ANOS1: variants seen among roughly 807,000 people sequenced by gnomAD.
ANOS1 encodes the protein anosmin-1.
In ANOS1, 6 loss-of-function variants were observed where a neutral mutation model predicts 59.0. That is an observed-to-expected ratio of 0.10 (90% CI 0.06 to 0.20). The LOEUF (loss-of-function observed/expected upper bound fraction) is 0.20, where lower values mean the gene tolerates loss of function less well. ANOS1 is among the 10% of genes least tolerant of loss of function. The pLI is 1.00. For missense variants in ANOS1, 433 were observed against 542.3 expected (o/e 0.80, Z 2.00); for synonymous variants, 217 against 223.4 (o/e 0.97, Z 0.25).
intron 8 of ANOS1, among the ~76,000 whole-genome samples, chrX:8,563,210 T>C (rs1305968981): frequency 8.9e-6 from 1 of 112,348 alleles, no homozygotes; most frequent in Non-Finnish European, 1.9e-5. Context: ...CTTTTATTCC[T>C]TTTCTAATCT....
At position 8,564,634 on chromosome X, in the gene ANOS1, G is replaced by C. The variant is rs766218493; in HGVS notation, c.1207+3598C>G. On this transcript the variant is annotated intron_variant, in intron 8 of 13. Coordinates refer to ENST00000262648, the MANE Select transcript of ANOS1 (RefSeq NM_000216.4). ...TGGATGCAGGTATCTGAGTTGGGGAGGAATGGGTCTAGAAACTGCATGGTG... is the reference window on the plus strand; with the variant it reads ...TGGATGCAGGTATCTGAGTTGGGGACGAATGGGTCTAGAAACTGCATGGTG... Among the ~76,000 whole-genome samples, 5 of 111,988 alleles carry C rather than the reference G, an allele frequency of 4.5e-5. No homozygotes were observed. The East Asian group carries it at 1.4e-3, about 31-fold the overall frequency.
At chrX:8,576,475 C>CACACACACACACAT (rs1358040309) in intron 6 of ANOS1, among the ~76,000 whole-genome samples, 11 of 101,368 alleles carry the variant, frequency 1.1e-4, no homozygotes, top group African/African-American at 4.3e-4. Flanking sequence ...TATACACACA[C>CACACACACACACAT]ACACACACAC....
intron 8 of ANOS1, among the ~76,000 whole-genome samples, chrX:8,558,846 A>G (rs1454032263): frequency 8.9e-6 from 1 of 112,275 alleles, no homozygotes; most frequent in African/African-American, 3.2e-5. Flanking sequence ...GATTAGTGAC[A>G]GACATCCAAA....
intron 2 of ANOS1, among the ~76,000 whole-genome samples, chrX:8,672,514 G>C (rs1932274008): frequency 8.9e-6 from 1 of 112,504 alleles, no homozygotes; most frequent in Admixed American, 9.4e-5. Context: ...TATTATCTCT[G>C]TCAGTGGCCA....
At chrX:8,644,381 T>C (rs904767563) in intron 2 of ANOS1, among the ~76,000 whole-genome samples, 4 of 109,905 alleles carry the variant, frequency 3.6e-5, no homozygotes, top group African/African-American at 1.0e-4. Flanking sequence ...CACATTAGCA[T>C]AGGGATCTTA....
At chrX:8,726,367 T>C (rs1373881457) in intron 1 of ANOS1, among the ~76,000 whole-genome samples, 2 of 111,296 alleles carry the variant, frequency 1.8e-5, no homozygotes, top group Non-Finnish European at 3.8e-5. Flanking sequence ...GCGAATAACG[T>C]CCCATTAAGG....
chrX:8,583,620 A>G (rs1930461748), intron 6 of ANOS1, among the ~76,000 whole-genome samples: 1 of 111,976 alleles, frequency 8.9e-6, no homozygotes, highest in South Asian at 3.7e-4. Context: ...CACTGAAAAT[A>G]TAATGGAATC....
chrX:8,570,465 G>A lies in ANOS1; in HGVS notation c.1062+34C>T, dbSNP rs201288283. 8 of 1,143,738 alleles carry A rather than the reference G, an allele frequency of 7.0e-6. No individual in the cohort carries two copies. The East Asian group carries it at 2.4e-4, about 34-fold the overall frequency. The allele number at this position is 1,143,738 out of a possible 1,213,427, so 94.3% of individuals were successfully genotyped here. A position where few individuals can be genotyped will look rare whatever the true frequency, so the allele number is the denominator to read the frequency against. On this transcript the variant is annotated intron_variant, in intron 7 of 13. Transcript: ENST00000262648. ...TGCCTTGAGTTGAAATACCCTCTGT[G>A]GGAATAACAATCCTTCCTCCAGTTC...
chrX:8,624,295 C>T (rs931715622), intron 2 of ANOS1, among the ~76,000 whole-genome samples: 4 of 111,353 alleles, frequency 3.6e-5, no homozygotes, highest in African/African-American at 9.8e-5. Context: ...GGATTACAGG[C>T]GTGAGCCACT....
At position 8,685,652 on chromosome X, in the gene ANOS1, GAAAGAA is replaced by G. The variant is rs1193704974; in HGVS notation, c.255+14040_255+14045del. ...AGAAAGAAAGAAAGAAAGAAAGAAA[GAAAGAA>G]AAAGAAAGGAAGGAAGGAGGGAGGA... On this transcript the variant is annotated intron_variant, in intron 2 of 13. Transcript: ENST00000262648. Among the ~76,000 whole-genome samples the G allele has an allele frequency of 2.8e-3, 271 of 97,394 alleles. 1 individual carries two copies. The highest frequency in any genetic ancestry group is 5.4e-3 in the Middle Eastern group (1 of 186). The allele number at this position is 97,394 out of a possible 115,157, so 84.6% of individuals were successfully genotyped here.
At chrX:8,677,507 A>G (rs1932355477) in intron 2 of ANOS1, among the ~76,000 whole-genome samples, 1 of 111,890 alleles carries the variant, frequency 8.9e-6, no homozygotes, top group Non-Finnish European at 1.9e-5. Context: ...CCCCTTCTTC[A>G]TGATGTATTT....
intron 1 of ANOS1, among the ~76,000 whole-genome samples, chrX:8,721,916 C>A (rs984697081): frequency 1.8e-5 from 2 of 112,343 alleles, no homozygotes; most frequent in Admixed American, 9.4e-5. Flanking sequence ...TCCCCAACAA[C>A]AGACCACACT....
chrX:8,660,952 G>A (rs1323902710), intron 2 of ANOS1, among the ~76,000 whole-genome samples: 1 of 111,516 alleles, frequency 9.0e-6, no homozygotes, highest in African/African-American at 3.3e-5. Flanking sequence ...GAAATTATGA[G>A]GATCTAGGTG....
intron 1 of ANOS1, among the ~76,000 whole-genome samples, chrX:8,719,278 A>G (rs1932859890): frequency 8.9e-6 from 1 of 112,623 alleles, no homozygotes; most frequent in African/African-American, 3.2e-5. Flanking sequence ...CCAACAGTGT[A>G]GGCATTTAAA....
At chrX:8,686,286 G>A (rs952721969) in intron 2 of ANOS1, among the ~76,000 whole-genome samples, 1 of 111,695 alleles carries the variant, frequency 9.0e-6, no homozygotes, top group African/African-American at 3.3e-5. Context: ...TCCTTCTACC[G>A]ATTTATTATT....
At chrX:8,653,947 A>G (rs923129689) in intron 2 of ANOS1, among the ~76,000 whole-genome samples, 37 of 112,453 alleles carry the variant, frequency 3.3e-4, no homozygotes, top group African/African-American at 1.0e-3. Flanking sequence ...AGTAGCAAGC[A>G]TGATGCCACA....
At chrX:8,730,582 C>A (rs1423991170) in intron 1 of ANOS1, among the ~76,000 whole-genome samples, 1 of 22,541 alleles carries the variant, frequency 4.4e-5, no homozygotes, top group Admixed American at 4.0e-4. Context: ...CTAGGGGGAC[C>A]CCCCCCCCCA....
intron 2 of ANOS1, among the ~76,000 whole-genome samples, chrX:8,635,457 CAG>C (rs1931557038): frequency 9.0e-6 from 1 of 111,516 alleles, no homozygotes; most frequent in African/African-American, 3.3e-5. Flanking sequence ...TTTGCCAAGA[CAG>C]AGCAGTAAAG....
In ANOS1 at chrX:8,556,334, C is replaced by T. The variant is rs189133064; in HGVS notation, c.1208-2236G>A. Among the ~76,000 whole-genome samples, 513 of 111,629 alleles carry T rather than the reference C, an allele frequency of 4.6e-3. 3 individuals carry two copies. The highest frequency in any genetic ancestry group is 0.016 in the African/African-American group (495 of 30,709). On this transcript the variant is annotated intron_variant, in intron 8 of 13. Coordinates refer to ENST00000262648, the MANE Select transcript of ANOS1 (RefSeq NM_000216.4). ...ATAGTATTGGAAGTTCTGGCCAGGGCAATCAGGCAAGAGAAAGAAATAAAG... is the reference window on the plus strand; with the variant it reads ...ATAGTATTGGAAGTTCTGGCCAGGGTAATCAGGCAAGAGAAAGAAATAAAG...
Sources: gnomAD v4.1 joint callset for allele counts (sites outside exome capture counted in the v4.1 genomes callset) on GRCh38, gnomAD v4.1.1 for gene constraint, MANE v1.5 for transcripts, NCBI Gene and HGNC (gene_info 2026-07-23, HGNC 2026-07-21) for gene names.